The following TMPRSS15 variants were observed in gnomAD, a reference collection of about 807,000 sequenced individuals.
TMPRSS15 encodes the protein transmembrane serine protease 15.
Under a neutral mutation model 125.3 loss-of-function variants are expected in TMPRSS15, and 128 were observed. The observed-to-expected ratio is 1.02, with a 90% CI of 0.89 to 1.18. The LOEUF (loss-of-function observed/expected upper bound fraction) is 1.18, where lower values mean the gene tolerates loss of function less well. Ranked by LOEUF, TMPRSS15 falls within the 50% of genes most tolerant of loss-of-function variation. The pLI is 0.00. For synonymous variants in TMPRSS15, 446 were observed against 423.2 expected, an observed-to-expected ratio of 1.05 and a Z score of -0.66; for missense variants, 1,283 against 1,212.7, an observed-to-expected ratio of 1.06 and a Z score of -0.86.
intron 3 of TMPRSS15, among the ~76,000 whole-genome samples, chr21:18,385,072 C>T (rs927571959): frequency 1.3e-5 from 2 of 152,116 alleles, no homozygotes; most frequent in South Asian, 4.2e-4. Context: ...TTAAAATGAA[C>T]AAGATGATAT....
chr21:18,473,308 T>C (rs181151338), intron 1 of TMPRSS15, among the ~76,000 whole-genome samples: 1 of 152,260 alleles, frequency 6.6e-6, no homozygotes, highest in Admixed American at 6.5e-5. Context: ...TTTTATAAAA[T>C]CTGCATTTGG....
intron 17 of TMPRSS15, among the ~76,000 whole-genome samples, chr21:18,314,501 C>A (rs896782677): frequency 1.3e-5 from 2 of 152,130 alleles, no homozygotes; most frequent in Non-Finnish European, 2.9e-5. Context: ...TGGTCATGAA[C>A]TCCTGACCTC....
intron 4 of TMPRSS15, among the ~76,000 whole-genome samples, chr21:18,380,764 C>T (rs2075885813): frequency 6.6e-6 from 1 of 152,030 alleles, no homozygotes; most frequent in Non-Finnish European, 1.5e-5. Context: ...GATAAATTTC[C>T]AGAGTCTGCA....
At chr21:18,300,177 T>TA (rs1472860897) in intron 18 of TMPRSS15, among the ~76,000 whole-genome samples, 10 of 151,424 alleles carry the variant, frequency 6.6e-5, no homozygotes, top group Non-Finnish European at 1.5e-5. Context: ...CCCGAAGGGA[T>TA]ACATTCCTTT....
At chr21:18,414,983 G>A (rs2076176316) in intron 1 of TMPRSS15, among the ~76,000 whole-genome samples, 1 of 151,856 alleles carries the variant, frequency 6.6e-6, no homozygotes, top group Non-Finnish European at 1.5e-5. Context: ...TACAAACACT[G>A]TATAAGTGTT....
chr21:18,310,632 C>G (rs1334666425), intron 18 of TMPRSS15, among the ~76,000 whole-genome samples: 2 of 151,878 alleles, frequency 1.3e-5, no homozygotes, highest in African/African-American at 4.8e-5. Context: ...ACAATACTAC[C>G]CAATCCCTAT....
chr21:18,355,726 C>T (rs561259870), intron 8 of TMPRSS15, among the ~76,000 whole-genome samples: 1 of 151,876 alleles, frequency 6.6e-6, no homozygotes, highest in Admixed American at 6.6e-5. Context: ...AAAAGTAATT[C>T]TCATGTAAGA....
intron 3 of TMPRSS15, among the ~76,000 whole-genome samples, chr21:18,397,005 C>T (rs1206685342): frequency 6.6e-6 from 1 of 152,050 alleles, no homozygotes; most frequent in Non-Finnish European, 1.5e-5. Context: ...GCTTTGCTCT[C>T]TTCCCTTTTT....
chr21:18,454,220 G>C, intron 1 of TMPRSS15, among the ~76,000 whole-genome samples: 1 of 152,040 alleles, frequency 6.6e-6, no homozygotes, highest in Middle Eastern at 3.2e-3. Context: ...TGCTTTTGTA[G>C]AAAAATTGCC....
intron 3 of TMPRSS15, among the ~76,000 whole-genome samples, chr21:18,392,299 T>G (rs898482911): frequency 3.3e-5 from 5 of 152,170 alleles, no homozygotes; most frequent in Admixed American, 1.3e-4. Flanking sequence ...TGTTGAAAAT[T>G]TTGCTGTTTA....
Position 18,447,687 on chromosome 21 carries a change from T to A in TMPRSS15, c.10+38112A>T, listed in dbSNP as rs138900824. On this transcript the variant is annotated intron_variant, in intron 1 of 7. Coordinates refer to the TMPRSS15 transcript ENST00000422787. ...ATCTCATAGTTTTATAGGGGCTTTT[T>A]CCCTCCTTCATTCTGCACTTGTCTC... Among the ~76,000 whole-genome samples, 400 of 152,220 alleles carry A rather than the reference T, an allele frequency of 2.6e-3. 3 individuals are homozygous for A. The highest frequency in any genetic ancestry group is 9.0e-3 in the African/African-American group (375 of 41,548).
chr21:18,278,533 C>A (rs2074648191), intron 23 of TMPRSS15, among the ~76,000 whole-genome samples: 1 of 152,068 alleles, frequency 6.6e-6, no homozygotes, highest in South Asian at 2.1e-4. Context: ...TCCTGACCAA[C>A]ATGGTGAAAC....
At chr21:18,414,491 T>C (rs1446677304) in intron 1 of TMPRSS15, among the ~76,000 whole-genome samples, 1 of 152,244 alleles carries the variant, frequency 6.6e-6, no homozygotes, top group Non-Finnish European at 1.5e-5. Context: ...TACAATTTTA[T>C]ACATATCGAA....
chr21:18,393,491 T>C (rs1241601377), intron 3 of TMPRSS15, among the ~76,000 whole-genome samples: 3 of 152,216 alleles, frequency 2.0e-5, no homozygotes, highest in Non-Finnish European at 4.4e-5. Context: ...TGAATCTCTT[T>C]CTTTTGTTGG....
At chr21:18,484,892 G>T (rs554263784) in intron 1 of TMPRSS15, among the ~76,000 whole-genome samples, 3 of 151,658 alleles carry the variant, frequency 2.0e-5, no homozygotes, top group Non-Finnish European at 4.4e-5. Context: ...TGCCTTAACT[G>T]TCCTTAGCTC....
At chr21:18,317,802 CCCA>C (rs2075184639) in intron 16 of TMPRSS15, among the ~76,000 whole-genome samples, 2 of 99,464 alleles carry the variant, frequency 2.0e-5, no homozygotes, top group Non-Finnish European at 4.2e-5. Flanking sequence ...CCCATCCCAT[CCCA>C]TCCCATCCCA....
intron 1 of TMPRSS15, among the ~76,000 whole-genome samples, chr21:18,409,961 A>G (rs193062550): frequency 7.2e-6 from 1 of 139,822 alleles, no homozygotes; most frequent in African/African-American, 2.7e-5. Context: ...TTTCCTTCTT[A>G]GGTATATTCA....
chr21:18,446,209 G>T (rs2076255513), intron 1 of TMPRSS15, among the ~76,000 whole-genome samples: 1 of 152,056 alleles, frequency 6.6e-6, no homozygotes, highest in African/African-American at 2.4e-5. Flanking sequence ...ATTTATAATA[G>T]CCACAAGTAA....
chr21:18,454,571 C>A (rs1031224792), intron 1 of TMPRSS15, among the ~76,000 whole-genome samples: 7 of 151,962 alleles, frequency 4.6e-5, no homozygotes, highest in African/African-American at 1.7e-4. Flanking sequence ...CAGGAGGAGC[C>A]AACGGTGTAA....
Sources: gnomAD v4.1 joint callset for allele counts (sites outside exome capture counted in the v4.1 genomes callset) on GRCh38, gnomAD v4.1.1 for gene constraint, MANE v1.5 for transcripts, NCBI Gene and HGNC (gene_info 2026-07-23, HGNC 2026-07-21) for gene names.